TMEM86B: variants seen among roughly 807,000 people sequenced by gnomAD.
The protein encoded by TMEM86B is lysoplasmalogenase TMEM86B.
In TMEM86B, 15 loss-of-function variants were observed where a neutral mutation model predicts 12.3. That is an observed-to-expected ratio of 1.22 (90% CI 0.81 to 1.87). TMEM86B has a LOEUF of 1.87. TMEM86B is among the 40% of genes most tolerant of loss of function. The probability of loss-of-function intolerance (pLI) is 0.00; values close to 1 mark genes in which losing one functional copy is unlikely to be tolerated. For missense variants in TMEM86B, 328 were observed against 297.4 expected (o/e 1.10, Z -0.76); for synonymous variants, 173 against 140.3 (o/e 1.23, Z -1.65).
chr19:55,226,869 G>A lies in TMEM86B; in HGVS notation c.*312C>T. On this transcript the variant is annotated 3_prime_UTR_variant, in exon 3 of 3. Transcript: ENST00000327042. Reference sequence around the variant, plus strand: ...AACGGATTCAGAGCAGCAGCAGGGGGCGGGCAGGCTGTGGGGCCGACAGTG... The same window carrying A: ...AACGGATTCAGAGCAGCAGCAGGGGACGGGCAGGCTGTGGGGCCGACAGTG... 3.2e-6 allele frequency: 1 copy of A among 310,876 alleles called. No individual in the cohort carries two copies. The highest frequency in any genetic ancestry group is 5.9e-6 in the Non-Finnish European group (1 of 169,330). 19.3% of individuals were successfully genotyped at this position (310,876 alleles called of 1,614,324 possible).
Position 55,227,172 on chromosome 19 carries a change from G to C in TMEM86B, c.*9C>G. 6.8e-7 allele frequency: 1 copy of C among 1,472,862 alleles called. No individual in the cohort carries two copies. The highest frequency in any genetic ancestry group is 1.4e-5 in the South Asian group (1 of 70,320). The allele number at this position is 1,472,862 out of a possible 1,614,324, so 91.2% of individuals were successfully genotyped here. On this transcript the variant is annotated 3_prime_UTR_variant, in exon 3 of 3. Transcript: ENST00000327042. ...GAGGGCCTGAACACCGGCCCTTCAA[G>C]CTCCCTAGTCAGTCAGTCTTGGGCA...
At position 55,227,019 on chromosome 19, in the gene TMEM86B, G is replaced by A. The variant is rs943663242; in HGVS notation, c.*162C>T. On this transcript the variant is annotated 3_prime_UTR_variant, in exon 3 of 3. Transcript: ENST00000327042. ...TAGTGGACTTGGAATTCCGCAAATC[G>A]TCCTCAAACGTCTTCAGCCAGAAGC... 5.2e-6 allele frequency: 4 copies of A among 767,466 alleles called. No individual in the cohort carries two copies. Among genetic ancestry groups the A allele is most frequent in the East Asian group, 3.3e-5 (1 of 30,534 alleles). 47.5% of individuals were successfully genotyped at this position (767,466 alleles called of 1,614,324 possible).
rs1032842974 is a variant in TMEM86B at position 55,227,976 on chromosome 19, C to G, written c.298+215G>C. ...TCAAACTGCAGTACCTCCAGCAGGT[C>G]CTCACTGCCCTCTGCGCCACCTCAG... On this transcript the variant is annotated intron_variant, in intron 2 of 2. Coordinates refer to ENST00000327042, the MANE Select transcript of TMEM86B (RefSeq NM_173804.5). 56 of 813,048 alleles carry G rather than the reference C, an allele frequency of 6.9e-5. 1 individual carries two copies. Among genetic ancestry groups the G allele is most frequent in the Non-Finnish European group, 9.6e-5 (51 of 533,226 alleles). The allele number at this position is 813,048 out of a possible 1,614,324, so 50.4% of individuals were successfully genotyped here.
At chr19:55,228,485 T>C (rs2087306997) in intron 1 of TMEM86B, 48 bp from the exon 2 acceptor site, 2 of 1,600,648 alleles carry the variant, frequency 1.2e-6, no homozygotes, top group African/African-American at 1.3e-5. Context: ...CCAGCCCCCA[T>C]TCTTGGGACT....
chr19:55,227,868 G>A (rs1282794521), intron 2 of TMEM86B: 9 of 581,500 alleles, frequency 1.5e-5, no homozygotes, highest in Non-Finnish European at 2.1e-5. Context: ...CTTTACACTC[G>A]CCCTTCCTCC....
rs1231955439 is a variant in TMEM86B at position 55,228,193 on chromosome 19, G to A, written c.296C>T (p.Pro99Leu). The change falls in exon 2 of 3, where the codon CCT becomes CTT. Residue 99 changes from proline to leucine, a missense_variant and splice_region_variant. Coordinates refer to ENST00000327042, the MANE Select transcript of TMEM86B (RefSeq NM_173804.5). ...ACLIWPAAFV[P>L]GMAAFATAHL... ...GCGTCACAGCACCTTCCACTCACCA[G>A]GGACGAAGGCTGCCGGCCAGATGAG... The A allele has an allele frequency of 6.2e-7, 1 of 1,609,128 alleles. No homozygotes were observed. The highest frequency in any genetic ancestry group is 8.5e-7 in the Non-Finnish European group (1 of 1,178,570).
chr19:55,228,236 C>A lies in TMEM86B; in HGVS notation c.253G>T (p.Ala85Ser). 6.2e-7 allele frequency: 1 copy of A among 1,612,366 alleles called. No individual in the cohort carries two copies. The highest frequency in any genetic ancestry group is 8.5e-7 in the Non-Finnish European group (1 of 1,179,634). ...CAGATGAGGCAAGCGTCCCCCACAG[C>A]CGAGCACACAAGGGCTCCCTGGAGG... is the stretch of plus-strand genomic sequence containing the variant. ...QLLQGALVCS[A>S]VGDACLIWPA... Residue 85 changes from alanine to serine, a missense_variant, in exon 2 of 3, where the codon GCT (alanine) becomes TCT (serine). Physicochemically the swap from Ala to Ser is moderately conservative, Grantham distance 99. Coordinates refer to ENST00000327042, the MANE Select transcript of TMEM86B (RefSeq NM_173804.5).
Position 55,227,569 on chromosome 19 carries a change from G to A in TMEM86B, c.299-6C>T, listed in dbSNP as rs1322031226. 1.1e-5 allele frequency: 17 copies of A among 1,519,308 alleles called. No homozygotes were observed. The highest frequency in any genetic ancestry group is 2.2e-4 in the Middle Eastern group (1 of 4,504). 94.1% of individuals were successfully genotyped at this position (1,519,308 alleles called of 1,614,324 possible). ...GGTGGCAAAGGCGGCCATGCCTGGCGGGAGAGGGGTGGGGTACCAGTGAGG... is the reference window on the plus strand; with the variant it reads ...GGTGGCAAAGGCGGCCATGCCTGGCAGGAGAGGGGTGGGGTACCAGTGAGG... On this transcript the variant is annotated splice_polypyrimidine_tract_variant and splice_region_variant and intron_variant, in intron 2 of 2. Coordinates refer to ENST00000327042, the MANE Select transcript of TMEM86B (RefSeq NM_173804.5).
chr19:55,228,650 CCT>C, intron 1 of TMEM86B, 39 bp downstream of exon 1: 1 of 1,596,268 alleles, frequency 6.3e-7, no homozygotes, highest in South Asian at 1.1e-5. Context: ...GTTCCAGGGC[CCT>C]GTCCCCCCAG....
chr19:55,227,176 C>T lies in TMEM86B; in HGVS notation c.*5G>A. ...GCCTGAACACCGGCCCTTCAAGCTC[C>T]CTAGTCAGTCAGTCTTGGGCACCGG... On this transcript the variant is annotated 3_prime_UTR_variant, in exon 3 of 3. Coordinates refer to ENST00000327042, the MANE Select transcript of TMEM86B (RefSeq NM_173804.5). 6.7e-7 allele frequency: 1 copy of T among 1,489,148 alleles called. No homozygotes were observed. The allele number at this position is 1,489,148 out of a possible 1,614,324, so 92.2% of individuals were successfully genotyped here.
At chr19:55,227,695 T>C (rs1367475240) in intron 2 of TMEM86B, 132 bp from the exon 3 acceptor site, 2 of 1,179,594 alleles carry the variant, frequency 1.7e-6, no homozygotes, top group Non-Finnish European at 2.3e-6. Context: ...TCCTTGCAGG[T>C]CTCCCCACAT....
Position 55,227,088 on chromosome 19 carries a change from C to T in TMEM86B, c.*93G>A, listed in dbSNP as rs2087288073. ...TGCAGACAGGCGTCAGGAAGCTTCG[C>T]TGCTGAGGGTATTTCTCAGGCTGGG... On this transcript the variant is annotated 3_prime_UTR_variant, in exon 3 of 3. Coordinates refer to ENST00000327042, the MANE Select transcript of TMEM86B (RefSeq NM_173804.5). 7.6e-7 allele frequency: 1 copy of T among 1,320,310 alleles called. No homozygotes were observed. 81.8% of individuals were successfully genotyped at this position (1,320,310 alleles called of 1,614,324 possible).
At chr19:55,228,023 C>T (rs991252539) in intron 2 of TMEM86B, 168 bp downstream of exon 2, 2 of 1,204,460 alleles carry the variant, frequency 1.7e-6, no homozygotes, top group Admixed American at 2.9e-5. Context: ...ACACCGCCTG[C>T]CCCCACCCCT....
intron 2 of TMEM86B, 51 bp from the exon 3 acceptor site, chr19:55,227,614 GCCCCGAGGTCA>G: frequency 4.1e-6 from 6 of 1,474,138 alleles, no homozygotes; most frequent in Non-Finnish European, 5.4e-6. Flanking sequence ...CCTGGGAATG[GCCCCGAGGTCA>G]CCCCTCAGGG....
At chr19:55,228,610 C>T in intron 1 of TMEM86B, 81 bp downstream of exon 1, 1 of 1,542,102 alleles carries the variant, frequency 6.5e-7, no homozygotes, top group Non-Finnish European at 8.8e-7. Flanking sequence ...AACTCAAGGA[C>T]AGCAGCTCCC....
At position 55,227,084 on chromosome 19, in the gene TMEM86B, T is replaced by A; in HGVS notation, c.*97A>T. ...CGCCTGCAGACAGGCGTCAGGAAGC[T>A]TCGCTGCTGAGGGTATTTCTCAGGC... On this transcript the variant is annotated 3_prime_UTR_variant, in exon 3 of 3. Transcript: ENST00000327042. 7.7e-7 allele frequency: 1 copy of A among 1,302,454 alleles called. No homozygotes were observed. Among genetic ancestry groups the A allele is most frequent in the East Asian group, 2.9e-5 (1 of 34,338 alleles). The allele number at this position is 1,302,454 out of a possible 1,614,324, so 80.7% of individuals were successfully genotyped here.
At position 55,228,440 on chromosome 19, in the gene TMEM86B, T is replaced by C. The variant is rs781545737; in HGVS notation, c.52-3A>G. ...AGCCACCTGCAGACATCTGGGCGCT[T>C]TGGGGAGTGGGGAGCTACTGAGCCG... On this transcript the variant is annotated splice_region_variant and splice_polypyrimidine_tract_variant and intron_variant, in intron 1 of 2. Coordinates refer to ENST00000327042, the MANE Select transcript of TMEM86B (RefSeq NM_173804.5). 22 of 1,610,786 alleles carry C rather than the reference T, an allele frequency of 1.4e-5. No homozygotes were observed. Among genetic ancestry groups the C allele is most frequent in the Middle Eastern group, 1.6e-4 (1 of 6,080 alleles).
In TMEM86B at chr19:55,226,985, G is replaced by A; in HGVS notation, c.*196C>T. The A allele has an allele frequency of 1.9e-6, 1 of 535,738 alleles. No individual in the cohort carries two copies. Among genetic ancestry groups the A allele is most frequent in the Non-Finnish European group, 2.9e-6 (1 of 344,200 alleles). 33.2% of individuals were successfully genotyped at this position (535,738 alleles called of 1,614,324 possible). A position where few individuals can be genotyped will look rare whatever the true frequency, so the allele number is the denominator to read the frequency against. Reference sequence around the variant, plus strand: ...GAGTCAGAACCGGGGGAAGGCAGCTGGAACCCAGTAGTGGACTTGGAATTC... The same window carrying A: ...GAGTCAGAACCGGGGGAAGGCAGCTAGAACCCAGTAGTGGACTTGGAATTC... On this transcript the variant is annotated 3_prime_UTR_variant, in exon 3 of 3. Coordinates refer to ENST00000327042, the MANE Select transcript of TMEM86B (RefSeq NM_173804.5).
In TMEM86B at chr19:55,227,570, GGA is replaced by G. The variant is rs770708198; in HGVS notation, c.299-9_299-8del. Reference sequence around the variant, plus strand: ...GTGGCAAAGGCGGCCATGCCTGGCGGGAGAGGGGTGGGGTACCAGTGAGGAAG... The same window carrying G: ...GTGGCAAAGGCGGCCATGCCTGGCGGGAGGGGTGGGGTACCAGTGAGGAAG... On this transcript the variant is annotated splice_region_variant and splice_polypyrimidine_tract_variant and intron_variant, in intron 2 of 2. Coordinates refer to ENST00000327042, the MANE Select transcript of TMEM86B (RefSeq NM_173804.5). 1.5e-5 allele frequency: 23 copies of G among 1,517,142 alleles called. No individual in the cohort carries two copies. The South Asian group carries it at 2.6e-4, about 17-fold the overall frequency. The allele number at this position is 1,517,142 out of a possible 1,614,324, so 94.0% of individuals were successfully genotyped here. A position where few individuals can be genotyped will look rare whatever the true frequency, so the allele number is the denominator to read the frequency against.
Sources: gnomAD v4.1 joint callset for allele counts on GRCh38, gnomAD v4.1.1 for gene constraint, MANE v1.5 for transcripts, NCBI Gene and HGNC (gene_info 2026-07-23, HGNC 2026-07-21) for gene names.